The following COL4A5 variants were observed in gnomAD, a reference collection of about 807,000 sequenced individuals.
COL4A5 encodes the protein collagen type IV alpha 5 chain.
In COL4A5, 26 loss-of-function variants were observed where a neutral mutation model predicts 130.2. The ratio of observed to expected loss-of-function variants is 0.20; its 90% CI spans 0.15 to 0.28. The LOEUF (loss-of-function observed/expected upper bound fraction) is 0.28. Ranked by LOEUF, COL4A5 falls within the 10% of genes least tolerant of loss-of-function variation. The probability of loss-of-function intolerance (pLI) is 1.00; values close to 1 mark genes in which losing one functional copy is unlikely to be tolerated. For synonymous variants in COL4A5, 496 were observed against 439.6 expected (o/e 1.13, Z -1.60); for missense variants, 1,131 against 1,344.3 (o/e 0.84, Z 2.48).
Position 108,606,725 on chromosome X carries a change from T to C in COL4A5, c.2245-17T>C. 1 of 1,211,254 alleles carries C rather than the reference T, an allele frequency of 8.3e-7. No homozygotes were observed. Among genetic ancestry groups the C allele is most frequent in the Non-Finnish European group, 1.1e-6 (1 of 894,852 alleles). ...TCATGGGAGTTTTTGTTGTGTTTTGTCATGTGTATGCTCAAGGGTGAACCA... is the reference window on the plus strand; with the variant it reads ...TCATGGGAGTTTTTGTTGTGTTTTGCCATGTGTATGCTCAAGGGTGAACCA... On this transcript the variant is annotated splice_polypyrimidine_tract_variant and intron_variant, in intron 28 of 52. Coordinates refer to ENST00000328300, the MANE Select transcript of COL4A5 (RefSeq NM_033380.3).
chrX:108,649,052 A>T (rs920057538), intron 36 of COL4A5, among the ~76,000 whole-genome samples: 2 of 111,971 alleles, frequency 1.8e-5, no homozygotes, highest in Admixed American at 9.5e-5. Context: ...GTTTCTGGAT[A>T]CAAGATTAAT....
At chrX:108,546,332 T>C (rs2065653672) in intron 2 of COL4A5, among the ~76,000 whole-genome samples, 1 of 111,722 alleles carries the variant, frequency 9.0e-6, no homozygotes, top group Non-Finnish European at 1.9e-5. Flanking sequence ...AGCATTTGCT[T>C]GTCTGTAAAG....
At chrX:108,545,640 T>G (rs1044976162) in intron 2 of COL4A5, among the ~76,000 whole-genome samples, 1 of 111,450 alleles carries the variant, frequency 9.0e-6, no homozygotes, top group Admixed American at 9.5e-5. Flanking sequence ...GGTGCAGAGC[T>G]GAGTTCAATT....
chrX:108,531,282 C>T (rs1447022100), intron 1 of COL4A5, among the ~76,000 whole-genome samples: 5 of 100,457 alleles, frequency 5.0e-5, no homozygotes, highest in African/African-American at 1.8e-4. Context: ...ATGGGTGCAG[C>T]ACACCAGCAT....
intron 34 of COL4A5, among the ~76,000 whole-genome samples, chrX:108,625,480 A>AT (rs1030177022): frequency 2.7e-5 from 3 of 111,039 alleles, no homozygotes; most frequent in East Asian, 5.7e-4. Context: ...TAACTTTTTA[A>AT]TTTTTTTTTA....
At chrX:108,482,452 T>C in intron 1 of COL4A5, among the ~76,000 whole-genome samples, 1 of 111,290 alleles carries the variant, frequency 9.0e-6, no homozygotes, top group Non-Finnish European at 1.9e-5. Context: ...GAAAGGCTGA[T>C]GGCAGCATGG....
At chrX:108,488,380 G>A (rs914638743) in intron 1 of COL4A5, among the ~76,000 whole-genome samples, 8 of 112,753 alleles carry the variant, frequency 7.1e-5, no homozygotes, top group Non-Finnish European at 1.1e-4. Flanking sequence ...TTTTGCTATT[G>A]CATTTCTGCA....
At chrX:108,485,338 T>C in intron 1 of COL4A5, among the ~76,000 whole-genome samples, 1 of 111,605 alleles carries the variant, frequency 9.0e-6, no homozygotes, top group Non-Finnish European at 1.9e-5. Context: ...GAAGTCCCCT[T>C]TACTTTTCCC....
intron 1 of COL4A5, among the ~76,000 whole-genome samples, chrX:108,522,506 TTTGA>T (rs1332477317): frequency 1.9e-5 from 2 of 102,741 alleles, no homozygotes. Context: ...TCATTGTGGT[TTTGA>T]TTTTCTTTTC....
chrX:108,539,627 GAT>G, intron 1 of COL4A5, 117 bp from the exon 2 acceptor site: 1 of 611,126 alleles, frequency 1.6e-6, no homozygotes, highest in Non-Finnish European at 2.8e-6. Flanking sequence ...TATCTTTTCA[GAT>G]ATTTTTCTGG....
chrX:108,639,437 A>G (rs2067417925), intron 36 of COL4A5, among the ~76,000 whole-genome samples: 1 of 111,619 alleles, frequency 9.0e-6, no homozygotes, highest in African/African-American at 3.2e-5. Flanking sequence ...TTAGAAGAAA[A>G]CATGGGACAA....
intron 37 of COL4A5, among the ~76,000 whole-genome samples, chrX:108,661,440 TATC>T (rs751039882): frequency 5.3e-5 from 6 of 112,153 alleles, no homozygotes; most frequent in African/African-American, 1.9e-4. Context: ...TTTTAAGAGT[TATC>T]ATATTTTTCC....
At chrX:108,494,833 T>C (rs187930450) in intron 1 of COL4A5, among the ~76,000 whole-genome samples, 1 of 111,826 alleles carries the variant, frequency 8.9e-6, no homozygotes, top group East Asian at 2.8e-4. Context: ...ATTTTGTGTC[T>C]TTGGGGATGA....
intron 29 of COL4A5, among the ~76,000 whole-genome samples, chrX:108,607,383 T>C (rs1468226403): frequency 1.9e-5 from 2 of 108,088 alleles, no homozygotes; most frequent in Non-Finnish European, 3.8e-5. Flanking sequence ...ATATATGTTA[T>C]AAAAGTAACA....
chrX:108,581,657 C>T (rs866716107), intron 16 of COL4A5, among the ~76,000 whole-genome samples: 24 of 110,719 alleles, frequency 2.2e-4, no homozygotes, highest in African/African-American at 7.2e-4. Context: ...TGTAGCCTTT[C>T]GAATCAGGAT....
At chrX:108,629,652 TTTTATTTA>T (rs1245041400) in intron 36 of COL4A5, among the ~76,000 whole-genome samples, 1 of 111,398 alleles carries the variant, frequency 9.0e-6, no homozygotes, top group Admixed American at 9.5e-5. Flanking sequence ...TAGTTTTTTA[TTTTATTTA>T]TTTATTTATT....
intron 1 of COL4A5, among the ~76,000 whole-genome samples, chrX:108,455,893 T>C (rs1408816769): frequency 1.8e-5 from 2 of 111,833 alleles, no homozygotes; most frequent in African/African-American, 3.2e-5. Flanking sequence ...TGGCATTACT[T>C]TGGTAGCATA....
chrX:108,542,505 CATT>C (rs1305318100), intron 2 of COL4A5, among the ~76,000 whole-genome samples: 2 of 110,964 alleles, frequency 1.8e-5, no homozygotes, highest in African/African-American at 6.6e-5. Context: ...TCCAGCCTAT[CATT>C]GTTGGACATT....
At chrX:108,573,898 C>T in intron 9 of COL4A5, among the ~76,000 whole-genome samples, 1 of 111,093 alleles carries the variant, frequency 9.0e-6, no homozygotes, top group South Asian at 3.8e-4. Flanking sequence ...AAATAGGGTT[C>T]TATATTCTTA....
Sources: gnomAD v4.1 joint callset for allele counts (sites outside exome capture counted in the v4.1 genomes callset) on GRCh38, gnomAD v4.1.1 for gene constraint, MANE v1.5 for transcripts, NCBI Gene and HGNC (gene_info 2026-07-23, HGNC 2026-07-21) for gene names.